Variants in C20orf203 observed in about 807,000 individuals in gnomAD.
C20orf203 encodes chromosome 20 open reading frame 203.
Under a neutral mutation model 15.9 loss-of-function variants are expected in C20orf203, and 16 were observed. The observed-to-expected ratio is 1.01, with a 90% CI of 0.68 to 1.53. The LOEUF is 1.53. C20orf203 is among the 40% of genes most tolerant of loss of function. The pLI, the probability that C20orf203 is intolerant of heterozygous loss-of-function variation, is 0.00. For synonymous variants in C20orf203, 98 were observed against 97.2 expected, an observed-to-expected ratio of 1.01 and a Z score of -0.05; for missense variants, 263 against 247.5, an observed-to-expected ratio of 1.06 and a Z score of -0.42.
chr20:32,662,338 C>A (rs1243534433), intron 1 of C20orf203, among the ~76,000 whole-genome samples: 1 of 152,168 alleles, frequency 6.6e-6, no homozygotes. Context: ...GTGGCTCACA[C>A]CTGTAATCCC....
rs1166606579 is a variant in C20orf203, at chr20:32,633,512, G to T, written c.*2058C>A. On this transcript the variant is annotated 3_prime_UTR_variant, in exon 6 of 6. Coordinates refer to ENST00000608990, the MANE Select transcript of C20orf203 (RefSeq NM_182584.4). ...CAGGGCTTGGCTGTGTGACCACTGT[G>T]GTCAGCTCCTTCTCAGCCTCCTGTC... The T allele has an allele frequency of 6.6e-6, 1 of 152,198 alleles. No individual in the cohort carries two copies. The highest frequency in any genetic ancestry group is 1.5e-5 in the Non-Finnish European group (1 of 68,090). The allele number at this position is 152,198 out of a possible 1,614,324, so 9.4% of individuals were successfully genotyped here. A position where few individuals can be genotyped will look rare whatever the true frequency, so the allele number is the denominator to read the frequency against.
intron 1 of C20orf203, among the ~76,000 whole-genome samples, chr20:32,670,280 G>A (rs1458670816): frequency 2.6e-5 from 4 of 151,962 alleles, no homozygotes; most frequent in African/African-American, 7.3e-5. Context: ...TGAGGCGGGC[G>A]GATCACCTGA....
chr20:32,664,525 ACCCGTT>A (rs1982972728), intron 1 of C20orf203, among the ~76,000 whole-genome samples: 1 of 152,084 alleles, frequency 6.6e-6, no homozygotes, highest in Non-Finnish European at 1.5e-5. Context: ...CAATCAGGTC[ACCCGTT>A]GGCTTGCTGT....
intron 4 of C20orf203, among the ~76,000 whole-genome samples, chr20:32,648,748 G>A (rs1440317355): frequency 6.6e-6 from 1 of 151,942 alleles, no homozygotes; most frequent in Non-Finnish European, 1.5e-5. Context: ...CACTGCGCTG[G>A]GCCAATAAAC....
chr20:32,647,983 C>T (rs1982484416), intron 4 of C20orf203, among the ~76,000 whole-genome samples: 1 of 152,214 alleles, frequency 6.6e-6, no homozygotes, highest in African/African-American at 2.4e-5. Flanking sequence ...AAGCTAACCC[C>T]TACCCACTTC....
At chr20:32,650,956 C>T in intron 3 of C20orf203, 62 bp downstream of exon 3, 1 of 1,441,170 alleles carries the variant, frequency 6.9e-7, no homozygotes, top group Non-Finnish European at 9.2e-7. Context: ...TAGGTCTTCC[C>T]TAATTTCCCA....
Position 32,633,905 on chromosome 20 carries a change from G to A in C20orf203, c.*1665C>T, listed in dbSNP as rs184532658. On this transcript the variant is annotated 3_prime_UTR_variant, in exon 6 of 6. Coordinates refer to ENST00000608990, the MANE Select transcript of C20orf203 (RefSeq NM_182584.4). ...CTGCTCTGAACCTTCCACCCCGTCC[G>A]CCTGGACTGGATGCTTCTCCCGGAT... is the stretch of plus-strand genomic sequence containing the variant. 9.3e-4 allele frequency: 369 copies of A among 397,472 alleles called. 1 individual carries two copies. The highest frequency in any genetic ancestry group is 4.5e-3 in the South Asian group (32 of 7,114). The allele number at this position is 397,472 out of a possible 1,614,324, so 24.6% of individuals were successfully genotyped here.
chr20:32,646,175 ATT>A (rs555458436), intron 4 of C20orf203, among the ~76,000 whole-genome samples: 10,657 of 105,938 alleles, frequency 0.1, 902 homozygotes, highest in African/African-American at 0.29. Context: ...CTTGATCCCA[ATT>A]TTTTTTTTTT....
In C20orf203 at chr20:32,633,097, C is replaced by T. The variant is rs1184612140; in HGVS notation, c.*2473G>A. The T allele has an allele frequency of 6.6e-6, 1 of 152,190 alleles. No individual in the cohort carries two copies. Among genetic ancestry groups the T allele is most frequent in the Non-Finnish European group, 1.5e-5 (1 of 68,046 alleles). 9.4% of individuals were successfully genotyped at this position (152,190 alleles called of 1,614,324 possible). ...ATTCAATTATCTCTACTTGGTCCTG[C>T]TCTTGACACCTAGGGATTATTAAAA... On this transcript the variant is annotated 3_prime_UTR_variant, in exon 6 of 6. Coordinates refer to ENST00000608990, the MANE Select transcript of C20orf203 (RefSeq NM_182584.4).
rs1012692449 is a variant in C20orf203 at position 32,632,332 on chromosome 20, T to C, written c.*3238A>G. 2.6e-5 allele frequency: 4 copies of C among 152,200 alleles called. No homozygotes were observed. The highest frequency in any genetic ancestry group is 5.9e-5 in the Non-Finnish European group (4 of 68,046). The allele number at this position is 152,200 out of a possible 1,614,324, so 9.4% of individuals were successfully genotyped here. A position where few individuals can be genotyped will look rare whatever the true frequency, so the allele number is the denominator to read the frequency against. On this transcript the variant is annotated 3_prime_UTR_variant, in exon 6 of 6. Transcript: ENST00000608990. ...CCCTAACTTTGGCCTTTAAATCTCG[T>C]TCAGTGAGTTCTTTTTGACACATGG...
intron 1 of C20orf203, among the ~76,000 whole-genome samples, chr20:32,665,404 C>T (rs1338709896): frequency 6.6e-6 from 1 of 152,222 alleles, no homozygotes; most frequent in Admixed American, 6.5e-5. Flanking sequence ...TGCTCAGGAG[C>T]CTCCACTCCA....
intron 4 of C20orf203, among the ~76,000 whole-genome samples, chr20:32,644,462 A>G (rs1600928532): frequency 6.6e-6 from 1 of 151,986 alleles, no homozygotes; most frequent in Non-Finnish European, 1.5e-5. Flanking sequence ...ACCAAAACAA[A>G]CCAAAACAAA....
At chr20:32,644,502 A>G (rs1982369159) in intron 4 of C20orf203, among the ~76,000 whole-genome samples, 1 of 152,112 alleles carries the variant, frequency 6.6e-6, no homozygotes, top group Admixed American at 6.6e-5. Context: ...GGAGTTGCCA[A>G]AAAGAAGCCC....
At chr20:32,651,238 G>A in intron 2 of C20orf203, 72 bp from the exon 3 acceptor site, 2 of 456,080 alleles carry the variant, frequency 4.4e-6, no homozygotes, top group South Asian at 1.1e-4. Context: ...AGCTACTCAT[G>A]GGGTAGCTAC....
intron 5 of C20orf203, among the ~76,000 whole-genome samples, chr20:32,637,952 G>A (rs1017639996): frequency 2.0e-5 from 3 of 152,002 alleles, no homozygotes; most frequent in South Asian, 4.2e-4. Flanking sequence ...GTATGGGCGT[G>A]TGTGTGCGCC....
At position 32,662,954 on chromosome 20, in the gene C20orf203, T is replaced by G. The variant is rs1482821331; in HGVS notation, c.-264+10678A>C. On this transcript the variant is annotated intron_variant, in intron 1 of 5. Transcript: ENST00000608990. Reference sequence around the variant, plus strand: ...ATAGATAGATAGATATAAATATAGTTTTTTTTTTTTTTGAGACAGAGTCTC... The same window carrying G: ...ATAGATAGATAGATATAAATATAGTGTTTTTTTTTTTTGAGACAGAGTCTC... 2.1e-5 allele frequency among the ~76,000 whole-genome samples: 3 copies of G among 145,686 alleles called. No individual in the cohort carries two copies. The East Asian group carries it at 5.9e-4, about 29-fold the overall frequency.
At chr20:32,668,361 C>T (rs1290148292) in intron 1 of C20orf203, among the ~76,000 whole-genome samples, 3 of 152,110 alleles carry the variant, frequency 2.0e-5, no homozygotes, top group Admixed American at 2.0e-4. Context: ...CACGGTGGCT[C>T]ACATCTGTAA....
At chr20:32,649,136 G>C (rs1982530243) in intron 4 of C20orf203, 119 bp downstream of exon 4, 1 of 152,246 alleles carries the variant, frequency 6.6e-6, no homozygotes, top group South Asian at 2.1e-4. Context: ...CTGCCAGACA[G>C]TGTTCCTAAG....
chr20:32,650,787 TG>T lies in C20orf203; in HGVS notation c.229del (p.Gln77SerfsTer102), dbSNP rs969314299. 77 of 1,507,584 alleles carry T rather than the reference TG, an allele frequency of 5.1e-5. 1 individual carries two copies. Among genetic ancestry groups the T allele is most frequent in the Non-Finnish European group, 6.5e-5 (73 of 1,125,988 alleles). The allele number at this position is 1,507,584 out of a possible 1,614,324, so 93.4% of individuals were successfully genotyped here. A position where few individuals can be genotyped will look rare whatever the true frequency, so the allele number is the denominator to read the frequency against. ...RTSKAQRVHP[Q>X]PSHQRQPPPP... is the part of the protein sequence containing the mutation. ...AGGAGGCTGGCGCTGGTGGCTGGGC[TG>T]GGGGTGGACTCGCTGAGCCTTTGAG... On this transcript the variant is annotated frameshift_variant, in exon 4 of 6. Transcript: ENST00000608990. LOFTEE classifies it high-confidence loss of function.
Sources: gnomAD v4.1 joint callset for allele counts (sites outside exome capture counted in the v4.1 genomes callset) on GRCh38, gnomAD v4.1.1 for gene constraint, MANE v1.5 for transcripts, NCBI Gene and HGNC (gene_info 2026-07-23, HGNC 2026-07-21) for gene names.